XPO4: variants seen among roughly 807,000 people sequenced by gnomAD.
XPO4 encodes the protein exportin 4, also known as exportin-4.
Under a neutral mutation model 143.0 loss-of-function variants are expected in XPO4, and 39 were observed. The ratio of observed to expected loss-of-function variants is 0.27; its 90% CI spans 0.21 to 0.36. The LOEUF (loss-of-function observed/expected upper bound fraction) is 0.36, where lower values mean the gene tolerates loss of function less well. Among genes scored for constraint, XPO4 ranks in the 10% least tolerant of loss-of-function variants. The probability of loss-of-function intolerance (pLI) is 1.00; values close to 1 mark genes in which losing one functional copy is unlikely to be tolerated. For missense variants in XPO4, 907 were observed against 1,348.0 expected, an observed-to-expected ratio of 0.67 and a Z score of 5.12; for synonymous variants, 439 against 474.0, an observed-to-expected ratio of 0.93 and a Z score of 0.96.
At chr13:20,809,325 T>C (rs753081275) in intron 10 of XPO4, 100 bp from the exon 11 acceptor site, 41 of 1,423,320 alleles carry the variant, frequency 2.9e-5, no homozygotes, top group Middle Eastern at 1.8e-4. Flanking sequence ...AAGCACTGCA[T>C]AGCAAAAGGA....
chr13:20,902,312 T>A, intron 1 of XPO4: 1 of 985,172 alleles, frequency 1.0e-6, no homozygotes, highest in Non-Finnish European at 1.2e-6. Flanking sequence ...CCTACAAATT[T>A]CCCCTACCGA....
At chr13:20,872,981 AT>A (rs1690035227) in intron 1 of XPO4, among the ~76,000 whole-genome samples, 1 of 151,952 alleles carries the variant, frequency 6.6e-6, no homozygotes, top group African/African-American at 2.4e-5. Flanking sequence ...CGTTCTCATC[AT>A]TGCCACTACA....
Position 20,803,232 on chromosome 13 carries a change from T to C in XPO4, c.1818-2242A>G, listed in dbSNP as rs1391819021. 1.3e-5 allele frequency among the ~76,000 whole-genome samples: 2 copies of C among 152,236 alleles called. No homozygotes were observed. Among genetic ancestry groups the C allele is most frequent in the Non-Finnish European group, 2.9e-5 (2 of 68,042 alleles). On this transcript the variant is annotated intron_variant, in intron 13 of 22. Coordinates refer to ENST00000255305, the MANE Select transcript of XPO4 (RefSeq NM_022459.5). The surrounding 1 kb of genome is among the most constrained non-coding windows in gnomAD (Gnocchi z 4.1). Reference sequence around the variant, plus strand: ...GGTTGATGTGATTAGGTCCTCTTGTTATTTAATGCAAAGGACTGAAACCTG... The same window carrying C: ...GGTTGATGTGATTAGGTCCTCTTGTCATTTAATGCAAAGGACTGAAACCTG...
rs2059546636 is a variant in XPO4, at chr13:20,809,299, C to T, written c.1351-74G>A. On this transcript the variant is annotated intron_variant, in intron 10 of 22. Coordinates refer to ENST00000255305, the MANE Select transcript of XPO4 (RefSeq NM_022459.5). ...AACGTGCACTTCTGTGGCTCCATAA[C>T]ATAGCTTAGATAGCTAAGCACTGCA... is the stretch of plus-strand genomic sequence containing the variant. The T allele has an allele frequency of 3.2e-6, 5 of 1,540,382 alleles. No homozygotes were observed. In the South Asian group the frequency reaches 5.0e-5, roughly 15 times the overall value.
intron 21 of XPO4, among the ~76,000 whole-genome samples, chr13:20,787,276 A>G (rs2059218291): frequency 6.6e-6 from 1 of 152,222 alleles, no homozygotes; most frequent in African/African-American, 2.4e-5. Context: ...AATGTGTACC[A>G]CATCAATTTC....
At chr13:20,868,070 A>G (rs1039291484) in intron 2 of XPO4, among the ~76,000 whole-genome samples, 2 of 152,196 alleles carry the variant, frequency 1.3e-5, no homozygotes, top group African/African-American at 4.8e-5. Flanking sequence ...ATATTTGACA[A>G]AAGTAAAAAT....
intron 7 of XPO4, among the ~76,000 whole-genome samples, chr13:20,825,950 A>G (rs2137981357): frequency 6.6e-6 from 1 of 152,302 alleles, no homozygotes. Context: ...TTTATTTTAA[A>G]TGGTTCAATC....
At chr13:20,819,529 G>A (rs554521848) in intron 9 of XPO4, among the ~76,000 whole-genome samples, 3 of 152,104 alleles carry the variant, frequency 2.0e-5, no homozygotes, top group Admixed American at 2.0e-4. Context: ...GCGTGATGGC[G>A]CATGCCTGTA....
At chr13:20,797,489 C>T (rs1041421710) in intron 16 of XPO4, among the ~76,000 whole-genome samples, 7 of 152,118 alleles carry the variant, frequency 4.6e-5, no homozygotes, top group Non-Finnish European at 7.3e-5. Flanking sequence ...TGGCACAGAA[C>T]GTAACTTCAG....
At chr13:20,784,216 T>G (rs993294596) in intron 22 of XPO4, among the ~76,000 whole-genome samples, 1 of 152,134 alleles carries the variant, frequency 6.6e-6, no homozygotes. Context: ...AGTCCACCAA[T>G]CTAGCCCCAA....
intron 12 of XPO4, among the ~76,000 whole-genome samples, chr13:20,808,149 TA>T (rs1158909278): frequency 1.3e-5 from 2 of 152,302 alleles, no homozygotes; most frequent in Admixed American, 6.5e-5. Context: ...CTTCTTCATC[TA>T]TTAGTTGGGG....
intron 4 of XPO4, chr13:20,852,460 A>G: frequency 2.0e-6 from 2 of 985,394 alleles, no homozygotes; most frequent in Non-Finnish European, 2.4e-6. Flanking sequence ...GATAATGCAC[A>G]TGGCCATTAG....
chr13:20,888,805 C>A (rs2060483887), intron 1 of XPO4, among the ~76,000 whole-genome samples: 1 of 151,410 alleles, frequency 6.6e-6, no homozygotes, highest in African/African-American at 2.4e-5. Context: ...GGCAAAAAGA[C>A]ACTTTTTTTT....
At chr13:20,842,472 T>C (rs2059986262) in intron 6 of XPO4, among the ~76,000 whole-genome samples, 1 of 152,170 alleles carries the variant, frequency 6.6e-6, no homozygotes, top group African/African-American at 2.4e-5. Flanking sequence ...TTGAACAACA[T>C]CACCATCCAT....
At chr13:20,822,357 C>T in intron 7 of XPO4, 68 bp from the exon 8 acceptor site, 2 of 1,373,268 alleles carry the variant, frequency 1.5e-6, no homozygotes, top group South Asian at 1.6e-5. Context: ...GTCTACCATG[C>T]CGAATGAGGT....
intron 4 of XPO4, chr13:20,851,155 C>G (rs544712280): frequency 2.0e-6 from 2 of 985,144 alleles, no homozygotes; most frequent in African/African-American, 3.5e-5. Context: ...TCTTAACAGT[C>G]CAAGAAGAAG....
rs1246052608 is a variant in XPO4, at chr13:20,846,523, T to G, written c.457-2637A>C. 2.0e-5 allele frequency among the ~76,000 whole-genome samples: 3 copies of G among 152,126 alleles called. No individual in the cohort carries two copies. In the East Asian group the frequency reaches 5.8e-4, roughly 29 times the overall value. ...ACTTCCACACTAATGAAGTACAAAT[T>G]CACCCATAAAAACAAGTACATTCTT... On this transcript the variant is annotated intron_variant, in intron 4 of 22. Coordinates refer to ENST00000255305, the MANE Select transcript of XPO4 (RefSeq NM_022459.5).
intron 6 of XPO4, among the ~76,000 whole-genome samples, chr13:20,829,166 C>T (rs2059822576): frequency 1.3e-5 from 2 of 152,026 alleles, no homozygotes; most frequent in South Asian, 4.1e-4. Flanking sequence ...CTATGTTGCC[C>T]AGGGAAGTCT....
intron 18 of XPO4, among the ~76,000 whole-genome samples, chr13:20,791,661 C>G (rs538099008): frequency 6.6e-6 from 1 of 152,090 alleles, no homozygotes. Flanking sequence ...ATTTAGAGCA[C>G]GATCACAAAG....
Sources: allele counts gnomAD v4.1 joint callset (sites outside exome capture counted in the v4.1 genomes callset), GRCh38; gene constraint gnomAD v4.1.1; non-coding constraint Gnocchi (gnomAD v3.1); transcripts MANE v1.5; gene names NCBI Gene and HGNC (gene_info 2026-07-23, HGNC 2026-07-21).